The following CADPS2 variants were observed in gnomAD, a reference collection of about 807,000 sequenced individuals.
CADPS2 encodes calcium dependent secretion activator 2, also known as calcium-dependent secretion activator 2.
Under a neutral mutation model 172.5 loss-of-function variants are expected in CADPS2, and 93 were observed. The ratio of observed to expected loss-of-function variants is 0.54; its 90% CI spans 0.46 to 0.64. The LOEUF (loss-of-function observed/expected upper bound fraction) is 0.64. CADPS2 is among the 30% of genes least tolerant of loss of function. CADPS2 has a pLI of 0.00. For missense variants in CADPS2, 1,420 were observed against 1,565.9 expected (o/e 0.91, Z 1.57); for synonymous variants, 546 against 555.2 (o/e 0.98, Z 0.23).
At chr7:122,326,013 A>T (rs748474177) in intron 28 of CADPS2, among the ~76,000 whole-genome samples, 43 of 151,966 alleles carry the variant, frequency 2.8e-4, no homozygotes, top group Non-Finnish European at 4.9e-4. Flanking sequence ...ATCAAAAAGA[A>T]GATGTGTTAT....
chr7:122,813,598 T>C (rs964202665), intron 1 of CADPS2, among the ~76,000 whole-genome samples: 3 of 152,112 alleles, frequency 2.0e-5, no homozygotes, highest in African/African-American at 7.2e-5. Context: ...CAGAACTTTA[T>C]TATCAAGTTG....
intron 6 of CADPS2, among the ~76,000 whole-genome samples, chr7:122,584,920 C>T (rs933519419): frequency 2.6e-5 from 4 of 151,710 alleles, no homozygotes; most frequent in African/African-American, 9.7e-5. Flanking sequence ...TTTTGTGTGT[C>T]TAAGTTTTCC....
chr7:122,629,353 C>G, intron 3 of CADPS2, 25 bp from the exon 4 acceptor site: 1 of 1,574,522 alleles, frequency 6.4e-7, no homozygotes, highest in East Asian at 2.3e-5. Flanking sequence ...AGAAGTTACA[C>G]ATATGTAATT....
At chr7:122,618,021 G>A (rs1182791622) in intron 5 of CADPS2, among the ~76,000 whole-genome samples, 1 of 147,576 alleles carries the variant, frequency 6.8e-6, no homozygotes, top group Non-Finnish European at 1.5e-5. Context: ...TCCAGCCTGG[G>A]CGACAGTGCA....
At chr7:122,351,596 C>T (rs1287944574) in intron 27 of CADPS2, among the ~76,000 whole-genome samples, 1 of 151,840 alleles carries the variant, frequency 6.6e-6, no homozygotes, top group African/African-American at 2.4e-5. Context: ...GAGCATGTAA[C>T]ATGTGTTTTA....
At chr7:122,467,533 G>A (rs867121530) in intron 14 of CADPS2, among the ~76,000 whole-genome samples, 2 of 152,208 alleles carry the variant, frequency 1.3e-5, no homozygotes, top group Middle Eastern at 6.8e-3. Flanking sequence ...ATAGAAAATT[G>A]AGATTATTTT....
intron 17 of CADPS2, among the ~76,000 whole-genome samples, chr7:122,435,465 A>C (rs986700423): frequency 2.6e-5 from 4 of 152,184 alleles, no homozygotes; most frequent in Non-Finnish European, 5.9e-5. Flanking sequence ...ATATCATCTC[A>C]CACCTGTTGG....
Position 122,538,550 on chromosome 7 carries a change from CA to C in CADPS2, c.1475+15999del, listed in dbSNP as rs534163591. On this transcript the variant is annotated intron_variant, in intron 8 of 29. Coordinates refer to ENST00000449022, the MANE Select transcript of CADPS2 (RefSeq NM_017954.11). ...CCATGAATGTAAGGATGTTTTAACACAAAAAAACTCCACCAATATAAATTAC... is the reference window on the plus strand; with the variant it reads ...CCATGAATGTAAGGATGTTTTAACACAAAAAACTCCACCAATATAAATTAC... Among the ~76,000 whole-genome samples, 78 of 151,354 alleles carry C rather than the reference CA, an allele frequency of 5.2e-4. No individual in the cohort carries two copies. In the South Asian group the frequency reaches 0.015, roughly 30 times the overall value.
Position 122,614,316 on chromosome 7 carries a change from C to A in CADPS2, c.1223+865G>T, listed in dbSNP as rs143024482. ...TGCACCTCTTTTCTGTTACACATAA[C>A]CCTCTGTATCTCCCTATCCTGCCTG... On this transcript the variant is annotated intron_variant, in intron 6 of 29. Coordinates refer to ENST00000449022, the MANE Select transcript of CADPS2 (RefSeq NM_017954.11). Among the ~76,000 whole-genome samples the A allele has an allele frequency of 6.6e-3, 997 of 152,168 alleles. 9 individuals carry two copies. Among genetic ancestry groups the A allele is most frequent in the Middle Eastern group, 0.017 (5 of 294 alleles).
At chr7:122,719,332 T>C (rs1350868779) in intron 2 of CADPS2, among the ~76,000 whole-genome samples, 1 of 152,104 alleles carries the variant, frequency 6.6e-6, no homozygotes, top group African/African-American at 2.4e-5. Context: ...CAACACAGCC[T>C]TCCTCCCTGC....
intron 20 of CADPS2, among the ~76,000 whole-genome samples, chr7:122,397,929 T>C (rs2045381759): frequency 6.6e-6 from 1 of 152,182 alleles, no homozygotes; most frequent in Admixed American, 6.5e-5. Flanking sequence ...AGCCAGCACC[T>C]ATTTTTCAGA....
At chr7:122,630,800 CT>C (rs1232471854) in intron 3 of CADPS2, among the ~76,000 whole-genome samples, 3 of 151,892 alleles carry the variant, frequency 2.0e-5, no homozygotes, top group Admixed American at 6.6e-5. Context: ...CTGAGATTAC[CT>C]GTCTAAAATA....
chr7:122,631,858 A>G (rs779368870), intron 3 of CADPS2, among the ~76,000 whole-genome samples: 3 of 152,224 alleles, frequency 2.0e-5, no homozygotes, highest in South Asian at 2.1e-4. Flanking sequence ...CCCTTGGTCA[A>G]TCATTCCCCA....
intron 1 of CADPS2, among the ~76,000 whole-genome samples, chr7:122,783,222 C>A (rs568180897): frequency 6.6e-6 from 1 of 151,004 alleles, no homozygotes; most frequent in South Asian, 2.1e-4. Flanking sequence ...AACAAAAAAA[C>A]CAGCATATAG....
intron 1 of CADPS2, among the ~76,000 whole-genome samples, chr7:122,744,033 A>G (rs2092613434): frequency 6.6e-6 from 1 of 152,232 alleles, no homozygotes; most frequent in Non-Finnish European, 1.5e-5. Context: ...ATCTAATTCT[A>G]CAAATATCAG....
Position 122,320,274 on chromosome 7 carries a change from T to C in CADPS2, c.3782A>G (p.Asp1261Gly), listed in dbSNP as rs754098163. Residue 1261 changes from aspartate (D) to glycine (G), a missense_variant, in exon 30 of 30, where the codon GAT becomes GGT. Coordinates refer to ENST00000449022, the MANE Select transcript of CADPS2 (RefSeq NM_017954.11). Reference protein sequence around the residue: ...LEGTLNSKTYDTVHRRLTVEE... With the variant: ...LEGTLNSKTYGTVHRRLTVEE... Reference sequence around the variant, plus strand: ...TACTGTTAAACGTCTGTGCACAGTATCATAAGTCTTACTGTTCAGTGTTCC... The same window carrying C: ...TACTGTTAAACGTCTGTGCACAGTACCATAAGTCTTACTGTTCAGTGTTCC... The C allele has an allele frequency of 6.8e-6, 11 of 1,613,078 alleles. No individual in the cohort carries two copies. Among genetic ancestry groups the C allele is most frequent in the African/African-American group, 1.3e-5 (1 of 75,026 alleles).
Position 122,590,117 on chromosome 7 carries a change from T to A in CADPS2, c.1224-8827A>T, listed in dbSNP as rs1168756247. Reference sequence around the variant, plus strand: ...ATATGAAAATCTACCCTAAAATTCATAAGGAATCTCTAGGGACTCAAAGTA... The same window carrying A: ...ATATGAAAATCTACCCTAAAATTCAAAAGGAATCTCTAGGGACTCAAAGTA... On this transcript the variant is annotated intron_variant, in intron 6 of 29. Transcript: ENST00000449022. Among the ~76,000 whole-genome samples, 7 of 151,850 alleles carry A rather than the reference T, an allele frequency of 4.6e-5. No homozygotes were observed. In the East Asian group the frequency reaches 9.7e-4, roughly 21 times the overall value.
intron 1 of CADPS2, among the ~76,000 whole-genome samples, chr7:122,755,791 A>C (rs2093135478): frequency 6.6e-6 from 1 of 152,188 alleles, no homozygotes; most frequent in South Asian, 2.1e-4. Flanking sequence ...TGTGTTCTAT[A>C]CTGATAGGAA....
At chr7:122,824,530 T>A (rs1804326089) in intron 1 of CADPS2, among the ~76,000 whole-genome samples, 1 of 152,188 alleles carries the variant, frequency 6.6e-6, no homozygotes, top group African/African-American at 2.4e-5. Context: ...GGGCCATTTG[T>A]ATTTAGTTTT....
Sources: allele counts gnomAD v4.1 joint callset (sites outside exome capture counted in the v4.1 genomes callset), GRCh38; gene constraint gnomAD v4.1.1; transcripts MANE v1.5; gene names NCBI Gene and HGNC (gene_info 2026-07-23, HGNC 2026-07-21).